The following GADL1 variants were observed in gnomAD, a reference collection of about 807,000 sequenced individuals.
GADL1 encodes the protein GAD like acidic amino acid decarboxylase 1, also known as acidic amino acid decarboxylase GADL1.
GADL1 carries 71 observed loss-of-function variants against 69.5 expected under a neutral mutation model. That is an observed-to-expected ratio of 1.02 (90% CI 0.84 to 1.25). The LOEUF (loss-of-function observed/expected upper bound fraction) is 1.25, where lower values mean the gene tolerates loss of function less well. GADL1 is among the 50% of genes most tolerant of loss of function. The probability of loss-of-function intolerance (pLI) is 0.00; values close to 1 mark genes in which losing one functional copy is unlikely to be tolerated. For synonymous variants in GADL1, 254 were observed against 214.4 expected (o/e 1.18, Z -1.62); for missense variants, 737 against 631.8 (o/e 1.17, Z -1.79).
intron 14 of GADL1, among the ~76,000 whole-genome samples, chr3:30,756,934 A>G (rs879022253): frequency 6.6e-6 from 1 of 152,122 alleles, no homozygotes; most frequent in Admixed American, 6.5e-5. Flanking sequence ...CTAGCCTCCA[A>G]CCAGAGTCCA....
At chr3:30,827,815 T>C (rs57120010) in intron 11 of GADL1, among the ~76,000 whole-genome samples, 1 of 151,814 alleles carries the variant, frequency 6.6e-6, no homozygotes, top group African/African-American at 2.4e-5. Context: ...GGGAAGAATT[T>C]TCTGAGCTCA....
At position 30,786,382 on chromosome 3, in the gene GADL1, T is replaced by C. The variant is rs1164619982; in HGVS notation, c.1275A>G (p.Lys425=). 3 of 1,542,346 alleles carry C rather than the reference T, an allele frequency of 1.9e-6. No homozygotes were observed. The highest frequency in any genetic ancestry group is 1.7e-4 in the Middle Eastern group (1 of 5,920). The change falls in exon 13 of 15, where the codon AAA becomes AAG. Residue 425 remains lysine (K), a synonymous_variant. Coordinates refer to ENST00000282538, the MANE Select transcript of GADL1 (RefSeq NM_207359.3). ...LSRYLVDEIK[K]REGFKLLMEP... The stretch of plus-strand genomic sequence containing the variant: ...CCATCAGTAACTTGAATCCTTCTCT[T>C]TTCTTGATTTCATCTACTAGGTACC...
At chr3:30,780,957 TAA>T (rs376762291) in intron 13 of GADL1, among the ~76,000 whole-genome samples, 54 of 152,330 alleles carry the variant, frequency 3.5e-4, no homozygotes, top group Non-Finnish European at 5.4e-4. Context: ...ACATAATTCT[TAA>T]AGAGACTTCA....
chr3:30,820,316 C>T (rs1697550009), intron 11 of GADL1, among the ~76,000 whole-genome samples: 2 of 151,816 alleles, frequency 1.3e-5, no homozygotes, highest in African/African-American at 4.8e-5. Flanking sequence ...AATAAAATCA[C>T]AAAGACAAGA....
chr3:30,832,327 G>A (rs1342697918), intron 11 of GADL1, among the ~76,000 whole-genome samples: 43 of 147,974 alleles, frequency 2.9e-4, no homozygotes, highest in African/African-American at 1.1e-3. Flanking sequence ...TAAGATTCAG[G>A]AATGAATTCT....
Position 30,870,777 on chromosome 3 carries a change from A to G in GADL1, c.38-9012T>C, listed in dbSNP as rs1016919650. Among the ~76,000 whole-genome samples, 3 of 151,740 alleles carry G rather than the reference A, an allele frequency of 2.0e-5. No homozygotes were observed. The East Asian group carries it at 5.9e-4, about 30-fold the overall frequency. The stretch of plus-strand genomic sequence containing the variant: ...GATAAAGCTTAAAGAACTTGCGGAT[A>G]GATTGGATGTAGGGGTCAAGAAAGC... On this transcript the variant is annotated intron_variant, in intron 1 of 14. Coordinates refer to ENST00000282538, the MANE Select transcript of GADL1 (RefSeq NM_207359.3).
chr3:30,889,084 T>TTAAAAAA (rs747921613), intron 1 of GADL1, among the ~76,000 whole-genome samples: 2 of 32,916 alleles, frequency 6.1e-5, no homozygotes, highest in African/African-American at 8.4e-5. Flanking sequence ...CGGTAATCTA[T>TTAAAAAA]AAAAAAAAAA....
chr3:30,772,320 T>C (rs1270284607), intron 14 of GADL1, among the ~76,000 whole-genome samples: 2 of 152,208 alleles, frequency 1.3e-5, no homozygotes, highest in Admixed American at 6.5e-5. Context: ...TGTTAATTAC[T>C]TTTAAGAACG....
chr3:30,761,131 G>A (rs531394695), intron 14 of GADL1, among the ~76,000 whole-genome samples: 8 of 152,290 alleles, frequency 5.3e-5, no homozygotes, highest in Non-Finnish European at 7.3e-5. Flanking sequence ...GACCCTGGAC[G>A]TAAATCTTTA....
At chr3:30,879,512 C>T (rs1350227176) in intron 1 of GADL1, among the ~76,000 whole-genome samples, 14 of 151,878 alleles carry the variant, frequency 9.2e-5, no homozygotes, top group African/African-American at 3.4e-4. Flanking sequence ...AAGGTGATCT[C>T]CTCCAAGAGA....
chr3:30,754,263 A>G (rs1695909455), intron 14 of GADL1, among the ~76,000 whole-genome samples: 1 of 152,118 alleles, frequency 6.6e-6, no homozygotes, highest in Non-Finnish European at 1.5e-5. Context: ...TTTTTTCAAG[A>G]TGTGTAAAGG....
At chr3:30,767,239 T>C (rs1696302715) in intron 14 of GADL1, among the ~76,000 whole-genome samples, 1 of 152,186 alleles carries the variant, frequency 6.6e-6, no homozygotes, top group South Asian at 2.1e-4. Flanking sequence ...TGATTTAATC[T>C]TCAATAAGAA....
At chr3:30,829,480 C>T (rs927041753) in intron 11 of GADL1, among the ~76,000 whole-genome samples, 1 of 151,866 alleles carries the variant, frequency 6.6e-6, no homozygotes, top group Non-Finnish European at 1.5e-5. Context: ...TTTACATCAA[C>T]AGAAGAACCA....
chr3:30,834,875 G>T (rs183512450), intron 9 of GADL1, among the ~76,000 whole-genome samples: 13 of 152,154 alleles, frequency 8.5e-5, no homozygotes, highest in Admixed American at 5.2e-4. Flanking sequence ...GGAGAGGGGA[G>T]CTCAGATAAA....
intron 14 of GADL1, among the ~76,000 whole-genome samples, chr3:30,740,077 C>T (rs936515088): frequency 3.9e-5 from 6 of 152,088 alleles, no homozygotes; most frequent in African/African-American, 1.4e-4. Flanking sequence ...GTCCAGGGGG[C>T]TACAGGCTAC....
chr3:30,860,456 G>A (rs1698303913), intron 2 of GADL1, among the ~76,000 whole-genome samples: 1 of 151,864 alleles, frequency 6.6e-6, no homozygotes, highest in Admixed American at 6.6e-5. Flanking sequence ...CAGATCCAAA[G>A]TATTTCACAA....
At chr3:30,752,514 G>A (rs1000200748) in intron 14 of GADL1, among the ~76,000 whole-genome samples, 3 of 152,202 alleles carry the variant, frequency 2.0e-5, no homozygotes, top group Non-Finnish European at 4.4e-5. Flanking sequence ...CGATGAGGAT[G>A]CTGTGGGACA....
Position 30,882,661 on chromosome 3 carries a change from A to G in GADL1, c.37+11917T>C, listed in dbSNP as rs189375718. ...CAAATATCTCTTTACCCTGTTTTCA[A>G]TTTTTAAGGTAGATACTCAGAAGTA... is the stretch of plus-strand genomic sequence containing the variant. On this transcript the variant is annotated intron_variant, in intron 1 of 14. Transcript: ENST00000282538. 7.5e-4 allele frequency among the ~76,000 whole-genome samples: 114 copies of G among 151,980 alleles called. 1 individual carries two copies. The highest frequency in any genetic ancestry group is 2.6e-3 in the African/African-American group (108 of 41,510).
chr3:30,742,990 C>G (rs942771059), intron 14 of GADL1, among the ~76,000 whole-genome samples: 1 of 151,662 alleles, frequency 6.6e-6, no homozygotes, highest in Non-Finnish European at 1.5e-5. Context: ...AAAAACAGAA[C>G]CTGCGCATGA....
Sources: gnomAD v4.1 joint callset for allele counts (sites outside exome capture counted in the v4.1 genomes callset) on GRCh38, gnomAD v4.1.1 for gene constraint, MANE v1.5 for transcripts, NCBI Gene and HGNC (gene_info 2026-07-23, HGNC 2026-07-21) for gene names.